MGAT4C: variants seen among roughly 807,000 people sequenced by gnomAD.
MGAT4C encodes the protein alpha-1,3-mannosyl-glycoprotein 4-beta-N-acetylglucosaminyltransferase C.
MGAT4C carries 19 observed loss-of-function variants against 40.1 expected under a neutral mutation model. That is an observed-to-expected ratio of 0.47 (90% CI 0.33 to 0.70). MGAT4C has a LOEUF of 0.70. Ranked by LOEUF, MGAT4C falls within the 30% of genes least tolerant of loss-of-function variation. The pLI, the probability that MGAT4C is intolerant of heterozygous loss-of-function variation, is 0.02. For synonymous variants in MGAT4C, 181 were observed against 187.1 expected, an observed-to-expected ratio of 0.97 and a Z score of 0.27; for missense variants, 491 against 563.2, an observed-to-expected ratio of 0.87 and a Z score of 1.30.
chr12:86,836,418 C>A (rs1373795037), intron 1 of MGAT4C, among the ~76,000 whole-genome samples: 1 of 151,312 alleles, frequency 6.6e-6, no homozygotes, highest in South Asian at 2.1e-4. Flanking sequence ...TTTTTTTTGT[C>A]CTACATGTTG....
At chr12:86,015,345 T>C (rs536786233) in intron 2 of MGAT4C, among the ~76,000 whole-genome samples, 2 of 152,092 alleles carry the variant, frequency 1.3e-5, no homozygotes, top group Non-Finnish European at 2.9e-5. Context: ...CTCCCTTTGC[T>C]GCCTCCCGAC....
At position 86,285,658 on chromosome 12, in the gene MGAT4C, A is replaced by G. The variant is rs935870776; in HGVS notation, c.-57+48407T>C. Among the ~76,000 whole-genome samples the G allele has an allele frequency of 3.5e-5, 5 of 142,014 alleles. No homozygotes were observed. The East Asian group carries it at 8.6e-4, about 24-fold the overall frequency. 93.2% of individuals were successfully genotyped at this position (142,014 alleles called of 152,430 possible). On this transcript the variant is annotated intron_variant, in intron 4 of 7. Transcript: ENST00000548651. ...CTGAAAAACATAATTTTAGACTACT[A>G]TATGTGCTCAAAAGTCTCAAAAATA... is the stretch of plus-strand genomic sequence containing the variant.
intron 2 of MGAT4C, among the ~76,000 whole-genome samples, chr12:86,590,045 G>A (rs1454737250): frequency 6.6e-6 from 1 of 151,926 alleles, no homozygotes; most frequent in African/African-American, 2.4e-5. Flanking sequence ...GCTGATGGAT[G>A]CACCTCTCTC....
intron 2 of MGAT4C, among the ~76,000 whole-genome samples, chr12:86,665,047 C>A (rs1565912445): frequency 6.6e-6 from 1 of 151,876 alleles, no homozygotes; most frequent in Non-Finnish European, 1.5e-5. Context: ...AATAATCTAG[C>A]CCCCTCCCCC....
chr12:86,626,764 A>G (rs1212604009), intron 2 of MGAT4C, among the ~76,000 whole-genome samples: 1 of 152,254 alleles, frequency 6.6e-6, no homozygotes, highest in African/African-American at 2.4e-5. Flanking sequence ...AAGGTGGCAG[A>G]ATAGGAATAG....
chr12:86,241,709 G>C (rs1347692107), intron 1 of MGAT4C, among the ~76,000 whole-genome samples: 1 of 152,148 alleles, frequency 6.6e-6, no homozygotes, highest in African/African-American at 2.4e-5. Flanking sequence ...TCAGATACTA[G>C]ACCTGTTTGA....
chr12:85,957,884 A>G lies in MGAT4C; in HGVS notation c.*21405T>C, dbSNP rs774265138. 2 of 152,082 alleles carry G rather than the reference A, an allele frequency of 1.3e-5. No homozygotes were observed. Among genetic ancestry groups the G allele is most frequent in the Non-Finnish European group, 2.9e-5 (2 of 67,994 alleles). The allele number at this position is 152,082 out of a possible 1,614,324, so 9.4% of individuals were successfully genotyped here. A position where few individuals can be genotyped will look rare whatever the true frequency, so the allele number is the denominator to read the frequency against. ...TATTGGCTTTTGTTGCTTTTTCTCCAAGAAAATTTGGAATGTTTTCATCTG... is the reference window on the plus strand; with the variant it reads ...TATTGGCTTTTGTTGCTTTTTCTCCGAGAAAATTTGGAATGTTTTCATCTG... On this transcript the variant is annotated 3_prime_UTR_variant, in exon 5 of 5. Transcript: ENST00000611864.
chr12:86,053,465 C>T (rs889977144), intron 1 of MGAT4C, among the ~76,000 whole-genome samples: 1 of 151,728 alleles, frequency 6.6e-6, no homozygotes, highest in African/African-American at 2.4e-5. Flanking sequence ...TGTTCTAAGA[C>T]CCCCTTTCCA....
intron 1 of MGAT4C, among the ~76,000 whole-genome samples, chr12:86,231,975 C>T (rs1456214330): frequency 6.6e-6 from 1 of 151,902 alleles, no homozygotes; most frequent in African/African-American, 2.4e-5. Context: ...CCCATTTCTA[C>T]TAAAGATACA....
intron 4 of MGAT4C, among the ~76,000 whole-genome samples, chr12:86,328,505 T>TA (rs1408931373): frequency 6.6e-6 from 1 of 152,050 alleles, no homozygotes; most frequent in Non-Finnish European, 1.5e-5. Flanking sequence ...GTATAAAAAT[T>TA]AATTGTATTT....
intron 2 of MGAT4C, among the ~76,000 whole-genome samples, chr12:86,625,373 T>A (rs1962771049): frequency 1.3e-5 from 2 of 152,146 alleles, no homozygotes; most frequent in Admixed American, 1.3e-4. Context: ...TAGGAATATA[T>A]GAGAACAATA....
chr12:86,335,129 A>G (rs1184710975), intron 3 of MGAT4C, among the ~76,000 whole-genome samples: 4 of 152,104 alleles, frequency 2.6e-5, no homozygotes, highest in African/African-American at 9.7e-5. Flanking sequence ...CTAGTTAACT[A>G]TCCATTAACT....
chr12:86,330,780 AAATAAAC>A (rs1487169806), intron 4 of MGAT4C, among the ~76,000 whole-genome samples: 13 of 152,328 alleles, frequency 8.5e-5, no homozygotes, highest in African/African-American at 3.1e-4. Flanking sequence ...AGAGATACAC[AAATAAAC>A]AATAAACAAT....
At chr12:86,061,534 C>T (rs1893968930) in intron 1 of MGAT4C, among the ~76,000 whole-genome samples, 1 of 151,870 alleles carries the variant, frequency 6.6e-6, no homozygotes, top group Admixed American at 6.6e-5. Context: ...ATTGTTCACT[C>T]CCTTGGAAAG....
rs751754678 is a variant in MGAT4C at position 86,739,857 on chromosome 12, A to AAC, written c.-261-12618_-261-12617dup. Among the ~76,000 whole-genome samples the AAC allele has an allele frequency of 4.1e-3, 616 of 149,156 alleles. 5 individuals carry two copies. Among genetic ancestry groups the AAC allele is most frequent in the African/African-American group, 0.013 (529 of 40,974 alleles). On this transcript the variant is annotated intron_variant, in intron 1 of 7. Transcript: ENST00000548651. The stretch of plus-strand genomic sequence containing the variant: ...ATATATTTATTTATGTATGCACACA[A>AAC]ACACACACACACACACATATATATA...
At chr12:86,718,524 G>A (rs1593147231) in intron 2 of MGAT4C, among the ~76,000 whole-genome samples, 1 of 152,154 alleles carries the variant, frequency 6.6e-6, no homozygotes, top group African/African-American at 2.4e-5. Context: ...AACAGTAGAG[G>A]CTGCATGGAC....
chr12:86,487,377 C>A (rs528192815), intron 2 of MGAT4C, among the ~76,000 whole-genome samples: 1 of 152,294 alleles, frequency 6.6e-6, no homozygotes, highest in African/African-American at 2.4e-5. Context: ...CAAAAGGTGA[C>A]TTTGCAGATC....
intron 3 of MGAT4C, among the ~76,000 whole-genome samples, chr12:86,382,857 T>A (rs1372294762): frequency 1.3e-5 from 2 of 152,338 alleles, no homozygotes; most frequent in Middle Eastern, 3.4e-3. Context: ...TGGGAGCCTT[T>A]GGCTTGATTT....
rs1885626155 is a variant in MGAT4C at position 85,989,445 on chromosome 12, A to G, written c.102T>C (p.Ile34=). ...TGTACAAGTTCATAAAAAGGAGAAA[A>G]ATGACAAGAACTCCCAAGAATGACA... ...STVSFLGVLV[I]FLLFMNLYIE... The change falls in exon 3 of 5, where the codon ATT becomes ATC. Residue 34 remains isoleucine (I), a synonymous_variant. Coordinates refer to ENST00000611864, the MANE Select transcript of MGAT4C (RefSeq NM_001351288.2). 6.2e-7 allele frequency: 1 copy of G among 1,608,286 alleles called. No homozygotes were observed. Among genetic ancestry groups the G allele is most frequent in the East Asian group, 2.2e-5 (1 of 44,598 alleles).
Sources: allele counts gnomAD v4.1 joint callset (sites outside exome capture counted in the v4.1 genomes callset), GRCh38; gene constraint gnomAD v4.1.1; transcripts MANE v1.5; gene names NCBI Gene and HGNC (gene_info 2026-07-23, HGNC 2026-07-21).